ZZZ3: variants seen among roughly 807,000 people sequenced by gnomAD.
ZZZ3 encodes the protein ZZ-type zinc finger-containing protein 3.
A neutral mutation model predicts 95.2 loss-of-function variants in ZZZ3; 22 were observed. The ratio of observed to expected loss-of-function variants is 0.23; its 90% CI spans 0.17 to 0.33. The LOEUF (loss-of-function observed/expected upper bound fraction) is 0.33. ZZZ3 is among the 10% of genes least tolerant of loss of function. ZZZ3 has a pLI of 1.00. For synonymous variants in ZZZ3, 335 were observed against 358.9 expected, an observed-to-expected ratio of 0.93 and a Z score of 0.75; for missense variants, 885 against 1,066.5, an observed-to-expected ratio of 0.83 and a Z score of 2.37.
At chr1:77,577,836 G>A (rs1013937935) in intron 11 of ZZZ3, among the ~76,000 whole-genome samples, 17 of 152,174 alleles carry the variant, frequency 1.1e-4, no homozygotes, top group Admixed American at 2.0e-4. Flanking sequence ...GGCCAGGCTG[G>A]TCTTGAACTC....
chr1:77,672,423 G>A (rs983468571), intron 1 of ZZZ3, among the ~76,000 whole-genome samples: 4 of 152,200 alleles, frequency 2.6e-5, no homozygotes, highest in Non-Finnish European at 4.4e-5. Flanking sequence ...ACTGTATTGA[G>A]AACTATTGAT....
intron 11 of ZZZ3, among the ~76,000 whole-genome samples, chr1:77,576,706 C>T (rs12145059): frequency 1.2e-3 from 181 of 151,686 alleles, no homozygotes; most frequent in Non-Finnish European, 2.2e-3. Context: ...TTGGCTTCCC[C>T]GGGCTACATT....
chr1:77,634,873 A>T (rs1169852931), intron 4 of ZZZ3, among the ~76,000 whole-genome samples: 2 of 152,192 alleles, frequency 1.3e-5, no homozygotes, highest in East Asian at 1.9e-4. Flanking sequence ...TAGTTTTCAC[A>T]AGGTACCCTG....
chr1:77,578,605 A>G (rs1662198187), intron 11 of ZZZ3, among the ~76,000 whole-genome samples, 169 bp downstream of exon 11: 1 of 152,210 alleles, frequency 6.6e-6, no homozygotes, highest in Non-Finnish European at 1.5e-5. Context: ...TTCACTGAGC[A>G]GCAATAATGG....
intron 5 of ZZZ3, among the ~76,000 whole-genome samples, chr1:77,587,023 C>T (rs893248233): frequency 2.0e-5 from 3 of 152,110 alleles, no homozygotes; most frequent in Non-Finnish European, 4.4e-5. Context: ...GAAAACAAAG[C>T]ATTATACTAA....
At chr1:77,644,930 T>C (rs542585105) in intron 1 of ZZZ3, among the ~76,000 whole-genome samples, 30 of 152,294 alleles carry the variant, frequency 2.0e-4, no homozygotes, top group South Asian at 1.7e-3. Context: ...CTTCTAAAAC[T>C]TTAGTGTTCG....
chr1:77,682,238 A>T lies in ZZZ3; in HGVS notation c.-403+347T>A, dbSNP rs1472124636. Among the ~76,000 whole-genome samples, 3 of 152,320 alleles carry T rather than the reference A, an allele frequency of 2.0e-5. No individual in the cohort carries two copies. The East Asian group carries it at 5.8e-4, about 29-fold the overall frequency. ...GGTACTGCAGCAGAAAACGCGACAC[A>T]ATAGTTAACCGGTCTGGAATACTTT... On this transcript the variant is annotated intron_variant, in intron 1 of 14. Transcript: ENST00000370801.
intron 1 of ZZZ3, among the ~76,000 whole-genome samples, chr1:77,648,567 C>G (rs960934129): frequency 4.0e-5 from 6 of 151,880 alleles, no homozygotes; most frequent in Non-Finnish European, 8.8e-5. Context: ...GATTCTTCTA[C>G]TTAGAAAAAC....
chr1:77,607,321 T>A (rs1410411389), intron 5 of ZZZ3, among the ~76,000 whole-genome samples: 3 of 152,198 alleles, frequency 2.0e-5, no homozygotes, highest in Non-Finnish European at 4.4e-5. Context: ...ATCCCCATGA[T>A]TCAATTATCT....
intron 6 of ZZZ3, among the ~76,000 whole-genome samples, chr1:77,583,906 T>A (rs1040832613): frequency 6.6e-6 from 1 of 152,142 alleles, no homozygotes; most frequent in African/African-American, 2.4e-5. Context: ...AAAACCTGTA[T>A]CGCTTTTAAG....
intron 6 of ZZZ3, among the ~76,000 whole-genome samples, chr1:77,583,324 T>C (rs532434539): frequency 3.9e-5 from 6 of 152,196 alleles, no homozygotes; most frequent in Non-Finnish European, 7.4e-5. Context: ...TAACACCATC[T>C]GTTTTAGTTG....
chr1:77,573,753 C>T (rs751827679), intron 12 of ZZZ3, among the ~76,000 whole-genome samples: 2 of 151,884 alleles, frequency 1.3e-5, no homozygotes, highest in Non-Finnish European at 2.9e-5. Flanking sequence ...AATCAGTATT[C>T]GATTAATCTA....
In ZZZ3 at chr1:77,578,784, T is replaced by C. The variant is rs780035496; in HGVS notation, c.2168A>G (p.Tyr723Cys). The C allele has an allele frequency of 2.8e-5, 43 of 1,527,260 alleles. No homozygotes were observed. The highest frequency in any genetic ancestry group is 3.7e-5 in the Non-Finnish European group (42 of 1,141,582). The allele number at this position is 1,527,260 out of a possible 1,614,324, so 94.6% of individuals were successfully genotyped here. ...VPGRTPNLYI[Y>C]SKKSSTSRRQ... is the part of the protein sequence containing the mutation. ...TGTATTTTCTTTTACCTTTTTGGAG[T>C]ATATATATAAGTTTGGTGTTCTGCC... The change falls in exon 11 of 15, where the codon TAC becomes TGC. Residue 723 changes from tyrosine to cysteine, a missense_variant. Around this residue, in one of 5 missense-constraint regions of ZZZ3, gnomAD observed 221 missense variants for 247.8 expected, o/e 0.89. Coordinates refer to ENST00000370801, the MANE Select transcript of ZZZ3 (RefSeq NM_015534.6).
intron 5 of ZZZ3, among the ~76,000 whole-genome samples, chr1:77,593,332 C>A (rs1663902115): frequency 6.6e-6 from 1 of 152,140 alleles, no homozygotes; most frequent in African/African-American, 2.4e-5. Context: ...TTATTAATAA[C>A]CCCAAAGTCC....
At chr1:77,657,245 G>A (rs1256893269) in intron 1 of ZZZ3, among the ~76,000 whole-genome samples, 2 of 152,186 alleles carry the variant, frequency 1.3e-5, no homozygotes, top group African/African-American at 4.8e-5. Flanking sequence ...GCCTCCCAAA[G>A]TGCTAGGATT....
rs767013722 is a variant in ZZZ3 at position 77,565,724 on chromosome 1, C to T, written c.2628G>A (p.Glu876=). 7 of 1,613,680 alleles carry T rather than the reference C, an allele frequency of 4.3e-6. No individual in the cohort carries two copies. In the South Asian group the frequency reaches 7.7e-5, roughly 18 times the overall value. Residue 876 remains glutamate, a synonymous_variant, in exon 15 of 15, where the codon GAG becomes GAA. Coordinates refer to ENST00000370801, the MANE Select transcript of ZZZ3 (RefSeq NM_015534.6). ...DHQLEPIYRS[E]TFLDRDYCVS... ...CACAGTAGTCTCTGTCTAAGAATGT[C>T]TCTGACCTATAAATAGGTTCTAATT...
intron 3 of ZZZ3, among the ~76,000 whole-genome samples, chr1:77,640,280 A>G (rs1215652971): frequency 6.6e-6 from 1 of 152,134 alleles, no homozygotes; most frequent in Non-Finnish European, 1.5e-5. Flanking sequence ...TTTTTACTAT[A>G]TAATAATTTA....
At chr1:77,655,725 T>C (rs1670211250) in intron 1 of ZZZ3, among the ~76,000 whole-genome samples, 2 of 152,214 alleles carry the variant, frequency 1.3e-5, no homozygotes, top group African/African-American at 4.8e-5. Context: ...AGAGCACTAA[T>C]ATGACATCAT....
rs780363431 is a variant in ZZZ3 at position 77,680,661 on chromosome 1, TACTA to T, written c.-403+1920_-403+1923del. 2.6e-4 allele frequency among the ~76,000 whole-genome samples: 40 copies of T among 152,332 alleles called. No individual in the cohort carries two copies. The East Asian group carries it at 5.2e-3, about 20-fold the overall frequency. ...CTTCAAGTATATATACCTTTGTTTG[TACTA>T]ACTACTAATGTCTACCACTCTCCAA... On this transcript the variant is annotated intron_variant, in intron 1 of 14. Transcript: ENST00000370801.
Sources: allele counts gnomAD v4.1 joint callset (sites outside exome capture counted in the v4.1 genomes callset), GRCh38; gene constraint gnomAD v4.1.1; regional missense constraint gnomAD v4.1.1; transcripts MANE v1.5; gene names NCBI Gene and HGNC (gene_info 2026-07-23, HGNC 2026-07-21).